The following ESR1 variants were observed in gnomAD, a reference collection of about 807,000 sequenced individuals.
ESR1 encodes estrogen receptor 1.
Under a neutral mutation model 52.7 loss-of-function variants are expected in ESR1, and 12 were observed. That is an observed-to-expected ratio of 0.23 (90% CI 0.15 to 0.37). The LOEUF is 0.37. ESR1 is among the 10% of genes least tolerant of loss of function. The pLI is 1.00. For missense variants in ESR1, 584 were observed against 779.7 expected (o/e 0.75, Z 2.99); for synonymous variants, 305 against 316.8 (o/e 0.96, Z 0.39).
intron 2 of ESR1, among the ~76,000 whole-genome samples, chr6:151,868,435 ATAG>A (rs1369166893): frequency 6.6e-6 from 1 of 152,112 alleles, no homozygotes; most frequent in Non-Finnish European, 1.5e-5. Context: ...GCCCCAATAG[ATAG>A]TTTTTCAGTC....
chr6:151,682,480 C>T (rs1330184353), intron 1 of ESR1, among the ~76,000 whole-genome samples: 1 of 152,116 alleles, frequency 6.6e-6, no homozygotes, highest in Non-Finnish European at 1.5e-5. Context: ...ATCAAGATCT[C>T]TTTGGAGTTT....
chr6:151,736,375 GT>G (rs10624912), intron 2 of ESR1, among the ~76,000 whole-genome samples: 1,840 of 112,690 alleles, frequency 0.016, 66 homozygotes, highest in Non-Finnish European at 0.021. Flanking sequence ...TCCAGGTAGT[GT>G]TTTTTTTTTT....
chr6:151,698,184 G>T (rs944365188), intron 1 of ESR1, among the ~76,000 whole-genome samples: 1 of 151,506 alleles, frequency 6.6e-6, no homozygotes, highest in Non-Finnish European at 1.5e-5. Context: ...TGGGCAACAT[G>T]GCGAAACCCC....
At chr6:151,982,020 G>A (rs916291888) in intron 4 of ESR1, among the ~76,000 whole-genome samples, 2 of 152,310 alleles carry the variant, frequency 1.3e-5, no homozygotes, top group South Asian at 2.1e-4. Context: ...TCCTTTACAC[G>A]TTACCAATGT....
chr6:152,118,948 A>C (rs2051243121), intron 6 of ESR1, among the ~76,000 whole-genome samples: 1 of 152,108 alleles, frequency 6.6e-6, no homozygotes, highest in African/African-American at 2.4e-5. Context: ...TATCTGGTAC[A>C]CACTCAGGAT....
At chr6:152,114,240 T>A (rs2051180895) in intron 6 of ESR1, among the ~76,000 whole-genome samples, 1 of 152,120 alleles carries the variant, frequency 6.6e-6, no homozygotes, top group South Asian at 2.1e-4. Context: ...GACTTTCGAG[T>A]CACTGTCCCT....
intron 2 of ESR1, among the ~76,000 whole-genome samples, chr6:151,844,427 G>C (rs986902357): frequency 6.6e-6 from 1 of 152,170 alleles, no homozygotes; most frequent in East Asian, 1.9e-4. Context: ...CAACTGGATG[G>C]ATTGAGCTGA....
intron 4 of ESR1, among the ~76,000 whole-genome samples, chr6:152,000,095 A>G (rs2041831192): frequency 6.6e-6 from 1 of 152,178 alleles, no homozygotes; most frequent in Middle Eastern, 3.4e-3. Flanking sequence ...TTGACCACCC[A>G]TATTTTCCAG....
chr6:152,064,392 A>C (rs997447719), intron 6 of ESR1, among the ~76,000 whole-genome samples: 4 of 152,138 alleles, frequency 2.6e-5, no homozygotes, highest in African/African-American at 9.7e-5. Flanking sequence ...CATATCATTC[A>C]ATTATTTCTC....
intron 2 of ESR1, among the ~76,000 whole-genome samples, chr6:151,792,577 C>T (rs940785893): frequency 7.9e-5 from 12 of 152,088 alleles, no homozygotes; most frequent in African/African-American, 2.4e-4. Context: ...GTAGCTGGTA[C>T]TGCAGACGTA....
intron 6 of ESR1, among the ~76,000 whole-genome samples, chr6:152,121,496 AAGG>A (rs1395507458): frequency 3.3e-5 from 5 of 152,192 alleles, no homozygotes; most frequent in Non-Finnish European, 7.3e-5. Context: ...AAGAGAAAAA[AAGG>A]AATCACCTGG....
chr6:151,875,061 C>T (rs1791585408), intron 2 of ESR1, among the ~76,000 whole-genome samples: 1 of 152,148 alleles, frequency 6.6e-6, no homozygotes, highest in Admixed American at 6.6e-5. Flanking sequence ...GTTGATTTTT[C>T]TTTGGGGCAA....
intron 2 of ESR1, among the ~76,000 whole-genome samples, chr6:151,730,362 T>C (rs903009569): frequency 6.6e-6 from 1 of 152,122 alleles, no homozygotes; most frequent in African/African-American, 2.4e-5. Flanking sequence ...TGGACTGGTC[T>C]GGTCCCTTCA....
At chr6:151,697,070 AG>A (rs1779404889) in intron 1 of ESR1, among the ~76,000 whole-genome samples, 1 of 152,212 alleles carries the variant, frequency 6.6e-6, no homozygotes, top group South Asian at 2.1e-4. Context: ...TGTCCTATTA[AG>A]GAGCTTGAAC....
chr6:151,701,502 C>A (rs1779780109), intron 1 of ESR1, among the ~76,000 whole-genome samples: 1 of 133,414 alleles, frequency 7.5e-6, no homozygotes. Flanking sequence ...GCACTCCAAT[C>A]TGGGTGGCAA....
At chr6:151,688,441 G>A (rs984127085), upstream of ESR1, among the ~76,000 whole-genome samples, 8 of 152,080 alleles carry the variant, frequency 5.3e-5, no homozygotes, top group South Asian at 2.1e-4. Context: ...AGTATCCCAC[G>A]GTTTCCTCAA....
intron 3 of ESR1, among the ~76,000 whole-genome samples, chr6:151,899,380 C>G (rs1165863130): frequency 2.5e-5 from 3 of 121,670 alleles, no homozygotes; most frequent in Admixed American, 2.4e-4. Context: ...CCGGACGGGG[C>G]GGCTGGCCGG....
chr6:152,031,954 G>C (rs1271711990), intron 5 of ESR1, among the ~76,000 whole-genome samples: 1 of 152,192 alleles, frequency 6.6e-6, no homozygotes, highest in Non-Finnish European at 1.5e-5. Context: ...GGTCAAGTGG[G>C]CTTCATCCCT....
At chr6:151,964,677 T>C (rs1404842136) in intron 4 of ESR1, among the ~76,000 whole-genome samples, 1 of 151,506 alleles carries the variant, frequency 6.6e-6, no homozygotes, top group Non-Finnish European at 1.5e-5. Context: ...AGTCTCACTC[T>C]GTCACCCAGG....
Sources: gnomAD v4.1 joint callset for allele counts (sites outside exome capture counted in the v4.1 genomes callset) on GRCh38, gnomAD v4.1.1 for gene constraint, MANE v1.5 for transcripts, NCBI Gene and HGNC (gene_info 2026-07-23, HGNC 2026-07-21) for gene names.